The following MARCHF1 variants were observed in gnomAD, a reference collection of about 807,000 sequenced individuals.
MARCHF1 encodes the protein membrane associated ring-CH-type finger 1.
Under a neutral mutation model 54.2 loss-of-function variants are expected in MARCHF1, and 40 were observed. The observed-to-expected ratio is 0.74, with a 90% CI of 0.57 to 0.96. The LOEUF (loss-of-function observed/expected upper bound fraction) is 0.96. Ranked by LOEUF, MARCHF1 falls within the 40% of genes least tolerant of loss-of-function variation. The probability of loss-of-function intolerance (pLI) is 0.00; values close to 1 mark genes in which losing one functional copy is unlikely to be tolerated. For synonymous variants in MARCHF1, 236 were observed against 236.3 expected (o/e 1.00, Z 0.01); for missense variants, 586 against 656.5 (o/e 0.89, Z 1.17).
chr4:163,762,463 GC>G (rs1210497879), intron 4 of MARCHF1, among the ~76,000 whole-genome samples: 1 of 152,022 alleles, frequency 6.6e-6, no homozygotes, highest in African/African-American at 2.4e-5. Flanking sequence ...GGCAAAAATT[GC>G]ATTACTTGTG....
intron 1 of MARCHF1, among the ~76,000 whole-genome samples, chr4:164,377,892 A>T (rs989671120): frequency 2.6e-5 from 4 of 152,330 alleles, no homozygotes; most frequent in African/African-American, 9.6e-5. Context: ...TGTATTGCGT[A>T]GGAGGCTGTG....
chr4:164,018,801 G>A (rs1753601287), intron 2 of MARCHF1, among the ~76,000 whole-genome samples: 1 of 152,120 alleles, frequency 6.6e-6, no homozygotes, highest in South Asian at 2.1e-4. Context: ...CACAGAATGT[G>A]ACATGGTGGT....
intron 1 of MARCHF1, among the ~76,000 whole-genome samples, chr4:164,381,257 A>G (rs1731361905): frequency 6.6e-6 from 1 of 152,230 alleles, no homozygotes; most frequent in African/African-American, 2.4e-5. Context: ...TGTGAAATAC[A>G]TTAAAGAACA....
intron 5 of MARCHF1, among the ~76,000 whole-genome samples, chr4:163,677,750 C>T (rs551056019): frequency 1.3e-5 from 2 of 152,320 alleles, no homozygotes; most frequent in East Asian, 3.9e-4. Context: ...CGACTTTCTA[C>T]CTCTCGCACA....
intron 3 of MARCHF1, among the ~76,000 whole-genome samples, chr4:163,967,440 C>A (rs1054872991): frequency 1.3e-5 from 2 of 152,144 alleles, no homozygotes; most frequent in East Asian, 3.9e-4. Context: ...AGGCAAATCA[C>A]TTTGGCAATT....
At chr4:163,786,144 C>T (rs1438717907) in intron 4 of MARCHF1, among the ~76,000 whole-genome samples, 1 of 151,988 alleles carries the variant, frequency 6.6e-6, no homozygotes, top group Non-Finnish European at 1.5e-5. Flanking sequence ...GGACTCCTGA[C>T]CTCCAGAAAT....
intron 1 of MARCHF1, among the ~76,000 whole-genome samples, chr4:164,293,429 T>C (rs933284750): frequency 6.6e-6 from 1 of 152,232 alleles, no homozygotes; most frequent in Admixed American, 6.5e-5. Context: ...TACAACACTT[T>C]CTTTTTCTGT....
intron 4 of MARCHF1, among the ~76,000 whole-genome samples, chr4:163,818,896 A>G (rs148193193): frequency 1.3e-5 from 2 of 152,154 alleles, no homozygotes; most frequent in African/African-American, 4.8e-5. Flanking sequence ...TACATTTACC[A>G]CCTTCTCATT....
At chr4:163,851,575 T>C (rs573094377) in intron 4 of MARCHF1, among the ~76,000 whole-genome samples, 2 of 152,164 alleles carry the variant, frequency 1.3e-5, no homozygotes, top group African/African-American at 4.8e-5. Flanking sequence ...AGAATTTGAG[T>C]TGTCACTCGT....
intron 4 of MARCHF1, among the ~76,000 whole-genome samples, chr4:163,782,379 A>G: frequency 6.6e-6 from 1 of 152,166 alleles, no homozygotes; most frequent in East Asian, 1.9e-4. Flanking sequence ...CCTTATTGAA[A>G]GGTCCAGCAG....
At position 164,228,919 on chromosome 4, in the gene MARCHF1, A is replaced by C. The variant is rs761234057; in HGVS notation, c.-322-117257T>G. 5.3e-4 allele frequency among the ~76,000 whole-genome samples: 81 copies of C among 152,220 alleles called. 1 individual carries two copies. Among genetic ancestry groups the C allele is most frequent in the Non-Finnish European group, 9.0e-4 (61 of 68,040 alleles). ...ATAATGAAATCAACAGATAAAGAAAATTTGGTATTTAAATCAGGACTGTAA... is the reference window on the plus strand; with the variant it reads ...ATAATGAAATCAACAGATAAAGAAACTTTGGTATTTAAATCAGGACTGTAA... On this transcript the variant is annotated intron_variant, in intron 1 of 9. Coordinates refer to ENST00000514618, the MANE Select transcript of MARCHF1 (RefSeq NM_001394959.1).
intron 2 of MARCHF1, among the ~76,000 whole-genome samples, chr4:164,034,292 G>A (rs1753948599): frequency 6.6e-6 from 1 of 152,068 alleles, no homozygotes; most frequent in Admixed American, 6.6e-5. Context: ...GAAAACACAT[G>A]GACACAGGGA....
In MARCHF1 at chr4:163,703,654, G is replaced by A. The variant is rs571101240; in HGVS notation, c.112-2791C>T. On this transcript the variant is annotated intron_variant, in intron 4 of 9. Coordinates refer to ENST00000514618, the MANE Select transcript of MARCHF1 (RefSeq NM_001394959.1). ...TGGAAGCAACAAGAGTTCCTAACAA[G>A]TCTGCGTGGAATGGAGAGGATCATT... Among the ~76,000 whole-genome samples, 18 of 152,208 alleles carry A rather than the reference G, an allele frequency of 1.2e-4. No individual in the cohort carries two copies. In the South Asian group the frequency reaches 2.1e-3, roughly 18 times the overall value.
rs1257901146 is a variant in MARCHF1, at chr4:164,285,327, C to T, written c.-323+98543G>A. 2.0e-5 allele frequency among the ~76,000 whole-genome samples: 3 copies of T among 152,106 alleles called. No homozygotes were observed. The East Asian group carries it at 5.8e-4, about 29-fold the overall frequency. ...AGATGATTGCTTGAGCCCAAGGGTTCAAGGCTGCAGTGCATTATGATTCTG... is the reference window on the plus strand; with the variant it reads ...AGATGATTGCTTGAGCCCAAGGGTTTAAGGCTGCAGTGCATTATGATTCTG... On this transcript the variant is annotated intron_variant, in intron 1 of 9. Transcript: ENST00000514618.
chr4:164,179,113 T>C (rs1037595378), intron 1 of MARCHF1, among the ~76,000 whole-genome samples: 3 of 152,204 alleles, frequency 2.0e-5, no homozygotes, highest in African/African-American at 7.2e-5. Flanking sequence ...TTTCTGTTTC[T>C]ATAAGTGGTT....
intron 1 of MARCHF1, chr4:164,189,413 TG>T: frequency 1.5e-6 from 1 of 680,418 alleles, no homozygotes. Context: ...CAGAAAGTGT[TG>T]GAAAATTCTG....
chr4:163,538,357 C>A (rs1025756325), intron 9 of MARCHF1, among the ~76,000 whole-genome samples: 17 of 151,706 alleles, frequency 1.1e-4, no homozygotes, highest in African/African-American at 3.6e-4. Context: ...ACACACAAAT[C>A]CCCCACATCT....
At chr4:163,861,152 A>T (rs904289711) in intron 3 of MARCHF1, among the ~76,000 whole-genome samples, 2 of 152,198 alleles carry the variant, frequency 1.3e-5, no homozygotes, top group Non-Finnish European at 2.9e-5. Context: ...AAACCAAAAC[A>T]TTGTAACAAA....
At chr4:164,275,492 T>C (rs1733856693) in intron 1 of MARCHF1, among the ~76,000 whole-genome samples, 2 of 152,222 alleles carry the variant, frequency 1.3e-5, no homozygotes, top group African/African-American at 4.8e-5. Context: ...GGATAAGTGT[T>C]ACTAATTAAT....
Sources: allele counts gnomAD v4.1 joint callset (sites outside exome capture counted in the v4.1 genomes callset), GRCh38; gene constraint gnomAD v4.1.1; transcripts MANE v1.5; gene names NCBI Gene and HGNC (gene_info 2026-07-23, HGNC 2026-07-21).